The following SPATA17 variants were observed in gnomAD, a reference collection of about 807,000 sequenced individuals.
SPATA17 encodes the protein spermatogenesis-associated protein 17.
In SPATA17, 53 loss-of-function variants were observed where a neutral mutation model predicts 62.2. The observed-to-expected ratio is 0.85, with a 90% CI of 0.68 to 1.07. The LOEUF (loss-of-function observed/expected upper bound fraction) is 1.07, where lower values mean the gene tolerates loss of function less well. Ranked by LOEUF, SPATA17 falls within the 50% of genes least tolerant of loss-of-function variation. The pLI is 0.00. For synonymous variants in SPATA17, 146 were observed against 146.8 expected, an observed-to-expected ratio of 0.99 and a Z score of 0.04; for missense variants, 466 against 425.5, an observed-to-expected ratio of 1.10 and a Z score of -0.84.
At chr1:217,646,879 G>A (rs1007167827) in intron 1 of SPATA17, among the ~76,000 whole-genome samples, 1 of 152,112 alleles carries the variant, frequency 6.6e-6, no homozygotes, top group Non-Finnish European at 1.5e-5. Flanking sequence ...GGGCAACAGA[G>A]CAAGACTCTG....
At chr1:217,708,821 A>C (rs535905138) in intron 5 of SPATA17, among the ~76,000 whole-genome samples, 18 of 152,344 alleles carry the variant, frequency 1.2e-4, no homozygotes, top group Admixed American at 9.1e-4. Context: ...GCACATTAAA[A>C]AGGAAATCCA....
chr1:217,714,000 A>G (rs1415735584), intron 5 of SPATA17, among the ~76,000 whole-genome samples: 1 of 152,226 alleles, frequency 6.6e-6, no homozygotes, highest in Non-Finnish European at 1.5e-5. Flanking sequence ...GCAGAAAGCA[A>G]CCAGGAATTT....
rs866524049 is a variant in SPATA17, at chr1:217,862,786, G to C, written c.1018G>C (p.Val340Leu). 6.2e-7 allele frequency: 1 copy of C among 1,609,156 alleles called. No individual in the cohort carries two copies. The highest frequency in any genetic ancestry group is 1.3e-5 in the African/African-American group (1 of 74,864). Residue 340 changes from valine (V) to leucine (L), a missense_variant, in exon 10 of 11, where the codon GTA becomes CTA. Physicochemically the swap from Val to Leu is conservative, Grantham distance 32. Transcript: ENST00000366933. ...KWICDKDFQTVLPSFELFSKY... is the reference protein window; with the variant it reads ...KWICDKDFQTLLPSFELFSKY... ...TTTTTCCTCCTAGGATTTCCAGACTGTATTACCATCATTTGAGCTCTTCTC... is the reference window on the plus strand; with the variant it reads ...TTTTTCCTCCTAGGATTTCCAGACTCTATTACCATCATTTGAGCTCTTCTC...
intron 9 of SPATA17, among the ~76,000 whole-genome samples, chr1:217,852,058 T>C (rs569921053): frequency 1.3e-5 from 2 of 152,258 alleles, no homozygotes; most frequent in African/African-American, 4.8e-5. Context: ...GGGTGAACAA[T>C]TTCAAGGAAA....
At chr1:217,805,280 GA>G (rs1674404346) in intron 9 of SPATA17, among the ~76,000 whole-genome samples, 2 of 152,112 alleles carry the variant, frequency 1.3e-5, no homozygotes, top group Admixed American at 6.6e-5. Context: ...GTTAGGCACA[GA>G]AATACAAATA....
intron 6 of SPATA17, among the ~76,000 whole-genome samples, chr1:217,757,850 G>A (rs1328360266): frequency 6.6e-6 from 1 of 152,128 alleles, no homozygotes; most frequent in East Asian, 1.9e-4. Context: ...GGGTCAAGAA[G>A]GAATAAAATT....
rs764158773 is a variant in SPATA17 at position 217,651,134 on chromosome 1, TGGA to T, written c.198_200del (p.Trp66_Arg67delinsTer). ...GATTGTAACAATTATTCAAAAATGGTGGAGAAGTTTCTTAGGCAGAAAGCAATA... is the reference window on the plus strand; with the variant it reads ...GATTGTAACAATTATTCAAAAATGGTGAAGTTTCTTAGGCAGAAAGCAATA... On this transcript the variant is annotated stop_gained and inframe_deletion, in exon 3 of 11. Coordinates refer to ENST00000366933, the MANE Select transcript of SPATA17 (RefSeq NM_138796.4). LOFTEE classifies it high-confidence loss of function. 6.2e-7 allele frequency: 1 copy of T among 1,609,914 alleles called. No individual in the cohort carries two copies. Among genetic ancestry groups the T allele is most frequent in the Non-Finnish European group, 8.5e-7 (1 of 1,178,902 alleles).
At chr1:217,797,059 C>T (rs1674167412) in intron 8 of SPATA17, among the ~76,000 whole-genome samples, 1 of 152,078 alleles carries the variant, frequency 6.6e-6, no homozygotes, top group Admixed American at 6.6e-5. Flanking sequence ...ATGTCTCATC[C>T]TATTTCAAAT....
At chr1:217,770,848 A>G (rs1673419979) in intron 6 of SPATA17, among the ~76,000 whole-genome samples, 1 of 152,038 alleles carries the variant, frequency 6.6e-6, no homozygotes, top group African/African-American at 2.4e-5. Flanking sequence ...GTGACTGGGT[A>G]ACAAATGGTA....
chr1:217,713,444 G>A (rs1671926245), intron 5 of SPATA17, among the ~76,000 whole-genome samples: 1 of 152,148 alleles, frequency 6.6e-6, no homozygotes, highest in Non-Finnish European at 1.5e-5. Flanking sequence ...ATGCAATGAA[G>A]AGATGACTCA....
chr1:217,832,186 CAT>C (rs1434541956), intron 9 of SPATA17, among the ~76,000 whole-genome samples: 2 of 151,996 alleles, frequency 1.3e-5, no homozygotes, highest in African/African-American at 4.8e-5. Context: ...GTTCTAATAA[CAT>C]AATTAAAGAA....
rs567892536 is a variant in SPATA17, at chr1:217,729,087, T to A, written c.396-12888T>A. Among the ~76,000 whole-genome samples, 5 of 152,352 alleles carry A rather than the reference T, an allele frequency of 3.3e-5. No individual in the cohort carries two copies. The South Asian group carries it at 6.2e-4, about 19-fold the overall frequency. ...AGCTTGGTTAATTAGAAGTGAACAG[T>A]TTGCATATTTACTAAATGCGGAGTG... On this transcript the variant is annotated intron_variant, in intron 5 of 10. Transcript: ENST00000366933.
At chr1:217,749,790 C>G (rs1000406841) in intron 6 of SPATA17, among the ~76,000 whole-genome samples, 4 of 151,378 alleles carry the variant, frequency 2.6e-5, no homozygotes, top group Non-Finnish European at 4.4e-5. Flanking sequence ...TCCCTGTTAT[C>G]CATAGGATAA....
Position 217,716,691 on chromosome 1 carries a change from G to C in SPATA17, c.396-25284G>C, listed in dbSNP as rs1313549605. ...AGGTATAGGATACATATGTGTTCTT[G>C]GTAGATAACAATAAGAGAGAGCTCA... On this transcript the variant is annotated intron_variant, in intron 5 of 10. Coordinates refer to ENST00000366933, the MANE Select transcript of SPATA17 (RefSeq NM_138796.4). Among the ~76,000 whole-genome samples, 3 of 152,086 alleles carry C rather than the reference G, an allele frequency of 2.0e-5. No individual in the cohort carries two copies. In the East Asian group the frequency reaches 5.8e-4, roughly 29 times the overall value.
At chr1:217,669,958 T>A (rs1670796023) in intron 4 of SPATA17, among the ~76,000 whole-genome samples, 1 of 152,018 alleles carries the variant, frequency 6.6e-6, no homozygotes, top group Non-Finnish European at 1.5e-5. Context: ...TTCTTCATCC[T>A]CCTCTCTGCT....
chr1:217,764,690 A>T (rs1043591264), intron 6 of SPATA17, among the ~76,000 whole-genome samples: 1 of 152,200 alleles, frequency 6.6e-6, no homozygotes, highest in Non-Finnish European at 1.5e-5. Context: ...CCCATCAGCA[A>T]TAAATGAGAG....
chr1:217,796,076 G>A (rs1402312198), intron 8 of SPATA17, among the ~76,000 whole-genome samples: 1 of 152,122 alleles, frequency 6.6e-6, no homozygotes. Flanking sequence ...AAGACTACAG[G>A]CGTGAGAAGT....
intron 1 of SPATA17, among the ~76,000 whole-genome samples, chr1:217,639,202 A>G (rs79108488): frequency 1.3e-5 from 2 of 152,162 alleles, no homozygotes; most frequent in South Asian, 4.1e-4. Flanking sequence ...ATAAGATTCT[A>G]TTCTGGACAG....
intron 5 of SPATA17, among the ~76,000 whole-genome samples, chr1:217,699,819 A>T (rs544845834): frequency 3.3e-5 from 5 of 151,938 alleles, no homozygotes; most frequent in African/African-American, 1.2e-4. Context: ...TTTTTTTCTA[A>T]AAGTTTTATT....
Sources: gnomAD v4.1 joint callset for allele counts (sites outside exome capture counted in the v4.1 genomes callset) on GRCh38, gnomAD v4.1.1 for gene constraint, MANE v1.5 for transcripts, NCBI Gene and HGNC (gene_info 2026-07-23, HGNC 2026-07-21) for gene names.